The following PPP1R37 variants were observed in gnomAD, a reference collection of about 807,000 sequenced individuals.
The protein encoded by PPP1R37 is leucine rich repeat containing 68.
A neutral mutation model predicts 61.0 loss-of-function variants in PPP1R37; 21 were observed. The ratio of observed to expected loss-of-function variants is 0.34; its 90% CI spans 0.24 to 0.50. The LOEUF is 0.50. PPP1R37 is among the 20% of genes least tolerant of loss of function. PPP1R37 has a pLI of 0.98. For synonymous variants in PPP1R37, 443 were observed against 433.5 expected (o/e 1.02, Z -0.27); for missense variants, 910 against 952.7 (o/e 0.96, Z 0.59).
chr19:45,110,472 T>C (rs1274396079), intron 1 of PPP1R37, among the ~76,000 whole-genome samples: 1 of 152,194 alleles, frequency 6.6e-6, no homozygotes, highest in Non-Finnish European at 1.5e-5. Context: ...TTTTCTCTTA[T>C]GGGTCTTTTC....
rs1968670846 is a variant in PPP1R37, at chr19:45,145,120, G to A, written c.1156G>A (p.Ala386Thr). The change falls in exon 10 of 13, where the codon GCT becomes ACT. Residue 386 changes from alanine (A) to threonine (T), a missense_variant. By Grantham distance (58) the Ala-to-Thr change is moderately conservative (BLOSUM62 0). Coordinates refer to ENST00000221462, the MANE Select transcript of PPP1R37 (RefSeq NM_019121.2). ...CGCGGTGGCGGTGGCGGAGTTCATC[G>A]CTGAGAGCCCCCGCCTCCTGAGACT... ...EGAVAVAEFI[A>T]ESPRLLRLDL... 1.3e-6 allele frequency: 2 copies of A among 1,533,910 alleles called. No individual in the cohort carries two copies. Among genetic ancestry groups the A allele is most frequent in the Non-Finnish European group, 1.7e-6 (2 of 1,146,010 alleles).
chr19:45,128,179 C>T (rs1968432872), intron 1 of PPP1R37, among the ~76,000 whole-genome samples: 1 of 152,140 alleles, frequency 6.6e-6, no homozygotes, highest in South Asian at 2.1e-4. Flanking sequence ...TGCCAGCTCA[C>T]CTTCCTAAAA....
rs1214921262 is a variant in PPP1R37, at chr19:45,146,746, G to A, written c.*184G>A. 6 of 415,826 alleles carry A rather than the reference G, an allele frequency of 1.4e-5. No individual in the cohort carries two copies. The East Asian group carries it at 2.4e-4, about 17-fold the overall frequency. 25.8% of individuals were successfully genotyped at this position (415,826 alleles called of 1,614,324 possible). A position where few individuals can be genotyped will look rare whatever the true frequency, so the allele number is the denominator to read the frequency against. On this transcript the variant is annotated 3_prime_UTR_variant, in exon 13 of 13. Transcript: ENST00000221462. ...GGAGCTACAGGGAGTGGCCCTCCGC[G>A]CGTGACTCAAGCACTTCTATTTATG... is the stretch of plus-strand genomic sequence containing the variant.
chr19:45,144,540 C>A lies in PPP1R37; in HGVS notation c.988-314C>A, dbSNP rs938094996. The A allele has an allele frequency of 3.4e-5, 13 of 380,414 alleles. No homozygotes were observed. The Admixed American group carries it at 6.0e-4, about 18-fold the overall frequency. The allele number at this position is 380,414 out of a possible 1,614,324, so 23.6% of individuals were successfully genotyped here. A position where few individuals can be genotyped will look rare whatever the true frequency, so the allele number is the denominator to read the frequency against. ...TGCTCAAACCCCGGGATAAGAGTTGCCCTCCTTGGGGGCTTCAGGGCGCTC... is the reference window on the plus strand; with the variant it reads ...TGCTCAAACCCCGGGATAAGAGTTGACCTCCTTGGGGGCTTCAGGGCGCTC... On this transcript the variant is annotated intron_variant, in intron 8 of 12. Transcript: ENST00000221462.
chr19:45,142,404 T>G lies in PPP1R37; in HGVS notation c.820T>G (p.Phe274Val), dbSNP rs1427682634. 1 of 1,535,752 alleles carries G rather than the reference T, an allele frequency of 6.5e-7. No individual in the cohort carries two copies. The highest frequency in any genetic ancestry group is 8.7e-7 in the Non-Finnish European group (1 of 1,146,884). The change falls in exon 7 of 13, where the codon TTC (phenylalanine) becomes GTC (valine). Residue 274 changes from phenylalanine to valine, a missense_variant. Transcript: ENST00000221462. ...DSAQLGNLLK[F>V]NCSLQILDLR... ...GGCCCAGCTGGGTAACCTGCTCAAG[T>G]TCAACTGCTCCCTGCAGATCCTGGA...
At chr19:45,119,823 C>T (rs576387304) in intron 1 of PPP1R37, among the ~76,000 whole-genome samples, 1 of 152,096 alleles carries the variant, frequency 6.6e-6, no homozygotes, top group African/African-American at 2.4e-5. Flanking sequence ...AGCTCCACCC[C>T]CCAGCACCCC....
chr19:45,144,694 G>C (rs1026800108), intron 8 of PPP1R37, 160 bp from the exon 9 acceptor site: 1 of 622,240 alleles, frequency 1.6e-6, no homozygotes, highest in Non-Finnish European at 2.7e-6. Context: ...CTTCAGGCCA[G>C]GCCTGCGGCA....
At chr19:45,138,886 A>G (rs1658742552) in intron 2 of PPP1R37, among the ~76,000 whole-genome samples, 1 of 147,486 alleles carries the variant, frequency 6.8e-6, no homozygotes, top group African/African-American at 2.5e-5. Context: ...GTGAGTCTGA[A>G]TTACAAAATT....
chr19:45,119,558 C>G (rs1968313607), intron 1 of PPP1R37, among the ~76,000 whole-genome samples: 1 of 152,208 alleles, frequency 6.6e-6, no homozygotes, highest in Admixed American at 6.5e-5. Flanking sequence ...GACTACATGG[C>G]CAATCTGTTC....
rs972335746 is a variant in PPP1R37, at chr19:45,140,546, G to A, written c.387G>A (p.Glu129=). The change falls in exon 4 of 13, where the codon GAG becomes GAA. Residue 129 remains glutamate, a synonymous_variant. Transcript: ENST00000221462. ...ACAAGACCTGTGAGGCCCTGGAAGA[G>A]GTCTTCAAGAGGCTGCAGTTCAAGG... ...LDYKTCEALE[E]VFKRLQFKVV... 9 of 1,535,960 alleles carry A rather than the reference G, an allele frequency of 5.9e-6. No individual in the cohort carries two copies. The highest frequency in any genetic ancestry group is 7.0e-6 in the Non-Finnish European group (8 of 1,146,892).
intron 7 of PPP1R37, 107 bp downstream of exon 7, chr19:45,142,565 CG>C (rs1421671939): frequency 8.5e-7 from 1 of 1,173,068 alleles, no homozygotes; most frequent in African/African-American, 1.5e-5. Context: ...ACCACCCCAA[CG>C]CTGTCCTGCT....
intron 1 of PPP1R37, among the ~76,000 whole-genome samples, chr19:45,099,644 C>T (rs1568438858): frequency 1.3e-5 from 2 of 152,360 alleles, no homozygotes; most frequent in Middle Eastern, 6.8e-3. Flanking sequence ...TTCTTTGTGC[C>T]TGTGATTATC....
intron 1 of PPP1R37, among the ~76,000 whole-genome samples, chr19:45,110,228 G>T (rs564919269): frequency 2.0e-5 from 3 of 150,662 alleles, no homozygotes; most frequent in Non-Finnish European, 2.9e-5. Flanking sequence ...TGATCCTCCC[G>T]CCTCAGCCTT....
At chr19:45,112,217 C>T (rs944535558) in intron 1 of PPP1R37, among the ~76,000 whole-genome samples, 30 of 152,112 alleles carry the variant, frequency 2.0e-4, no homozygotes, top group African/African-American at 7.0e-4. Flanking sequence ...TCAAGTGATC[C>T]GCCCGCCTCT....
intron 2 of PPP1R37, 50 bp from the exon 3 acceptor site, chr19:45,140,186 G>GC: frequency 1.3e-5 from 19 of 1,488,978 alleles, no homozygotes; most frequent in Non-Finnish European, 1.7e-5. Context: ...GGCCTCGGCT[G>GC]CCCCCCTGTT....
intron 4 of PPP1R37, 147 bp from the exon 5 acceptor site, chr19:45,141,175 G>A (rs1968606336): frequency 3.6e-6 from 3 of 841,838 alleles, no homozygotes; most frequent in Non-Finnish European, 5.2e-6. Flanking sequence ...GGCTCACGGG[G>A]CCCTGTCTGT....
chr19:45,133,292 C>A (rs978258776), intron 1 of PPP1R37, among the ~76,000 whole-genome samples: 1 of 152,116 alleles, frequency 6.6e-6, no homozygotes, highest in African/African-American at 2.4e-5. Flanking sequence ...CCATGTTGGC[C>A]AGGCTTGTCT....
In PPP1R37 at chr19:45,145,870, C is replaced by A. The variant is rs971511446; in HGVS notation, c.1814C>A (p.Pro605Gln). 6 of 1,530,436 alleles carry A rather than the reference C, an allele frequency of 3.9e-6. No individual in the cohort carries two copies. The Admixed American group carries it at 9.9e-5, about 25-fold the overall frequency. 94.8% of individuals were successfully genotyped at this position (1,530,436 alleles called of 1,614,324 possible). A position where few individuals can be genotyped will look rare whatever the true frequency, so the allele number is the denominator to read the frequency against. The part of the protein sequence containing the change: ...PPSPPASPSL[P>Q]PAGAIDTRDT... ...TCCCCACCCGCCTCACCTTCCCTAC[C>A]ACCAGCCGGGGCCATTGACACCCGG... Residue 605 changes from proline to glutamine, a missense_variant, in exon 11 of 13, where the codon CCA becomes CAA. Physicochemically the swap from Pro to Gln is moderately conservative, Grantham distance 76. Coordinates refer to ENST00000221462, the MANE Select transcript of PPP1R37 (RefSeq NM_019121.2).
In PPP1R37 at chr19:45,145,835, A is replaced by G; in HGVS notation, c.1779A>G (p.Pro593=). ...CGTCCCCCACCCCTCCCTCTCCCCC[A>G]CCCCCTCCCTCCCCACCCGCCTCAC... The part of the protein sequence containing the change: ...PPASPTPPSP[P]PPPSPPASPS... Residue 593 remains proline (P), a synonymous_variant, in exon 11 of 13, where the codon CCA becomes CCG. Coordinates refer to ENST00000221462, the MANE Select transcript of PPP1R37 (RefSeq NM_019121.2). 6.7e-6 allele frequency: 1 copy of G among 150,082 alleles called. No individual in the cohort carries two copies. The allele number at this position is 150,082 out of a possible 1,614,324, so 9.3% of individuals were successfully genotyped here.
Sources: allele counts gnomAD v4.1 joint callset (sites outside exome capture counted in the v4.1 genomes callset), GRCh38; gene constraint gnomAD v4.1.1; transcripts MANE v1.5; gene names NCBI Gene and HGNC (gene_info 2026-07-23, HGNC 2026-07-21).